Variants in GRIK1 observed in about 807,000 individuals in gnomAD.
GRIK1 encodes the protein glutamate ionotropic receptor kainate type subunit 1.
A neutral mutation model predicts 105.7 loss-of-function variants in GRIK1; 69 were observed. That is an observed-to-expected ratio of 0.65 (90% CI 0.54 to 0.80). The LOEUF (loss-of-function observed/expected upper bound fraction) is 0.80, where lower values mean the gene tolerates loss of function less well. Among genes scored for constraint, GRIK1 ranks in the 30% least tolerant of loss-of-function variants. The probability of loss-of-function intolerance (pLI) is 0.00; values close to 1 mark genes in which losing one functional copy is unlikely to be tolerated. For synonymous variants in GRIK1, 438 were observed against 431.3 expected, an observed-to-expected ratio of 1.02 and a Z score of -0.19; for missense variants, 1,109 against 1,167.3, an observed-to-expected ratio of 0.95 and a Z score of 0.73.
intron 3 of GRIK1, among the ~76,000 whole-genome samples, chr21:29,686,027 C>G (rs2146698319): frequency 6.6e-6 from 1 of 152,340 alleles, no homozygotes; most frequent in East Asian, 1.9e-4. Context: ...AACACACAGG[C>G]CTTGCTGGGC....
intron 1 of GRIK1, among the ~76,000 whole-genome samples, chr21:29,783,605 C>T (rs2066182531): frequency 6.6e-6 from 1 of 152,014 alleles, no homozygotes; most frequent in South Asian, 2.1e-4. Flanking sequence ...ATCAAATGAA[C>T]TCAGTGAGAT....
Position 29,555,272 on chromosome 21 carries a change from G to A in GRIK1, c.2387C>T (p.Ala796Val). Residue 796 changes from alanine to valine, a missense_variant, in exon 16 of 18, where the codon GCT becomes GTT. This residue lies in a region of GRIK1 where 18 missense variants were observed against 42.8 expected (regional missense o/e 0.42). Transcript: ENST00000327783. Reference sequence around the variant, plus strand: ...CCCTTCTTCTTGGAGTTGAAGAATAGCAATAGTAATTTTATCCCGGTAAGG... The same window carrying A: ...CCCTTCTTCTTGGAGTTGAAGAATAACAATAGTAATTTTATCCCGGTAAGG... The part of the protein sequence containing the change: ...GSPYRDKITI[A>V]ILQLQEEGKL... 6.2e-7 allele frequency: 1 copy of A among 1,613,266 alleles called. No individual in the cohort carries two copies. The highest frequency in any genetic ancestry group is 2.2e-5 in the East Asian group (1 of 44,866).
At chr21:29,582,672 AGTG>A (rs1211977583) in intron 12 of GRIK1, among the ~76,000 whole-genome samples, 3 of 152,156 alleles carry the variant, frequency 2.0e-5, no homozygotes, top group Non-Finnish European at 2.9e-5. Context: ...TATCTTGCCA[AGTG>A]GTACTTATTT....
chr21:29,879,739 GCT>G (rs936651087), intron 1 of GRIK1, among the ~76,000 whole-genome samples: 6 of 152,056 alleles, frequency 3.9e-5, no homozygotes, highest in African/African-American at 1.4e-4. Flanking sequence ...TCTTTAAGGA[GCT>G]AGTTTATTAA....
chr21:29,830,207 T>G (rs536579434), intron 1 of GRIK1, among the ~76,000 whole-genome samples: 9 of 152,182 alleles, frequency 5.9e-5, no homozygotes, highest in East Asian at 1.9e-4. Flanking sequence ...GTGTGTATGT[T>G]TGTATGTGTG....
chr21:29,880,468 A>C (rs1224661736), intron 1 of GRIK1, among the ~76,000 whole-genome samples: 1 of 152,164 alleles, frequency 6.6e-6, no homozygotes, highest in African/African-American at 2.4e-5. Flanking sequence ...TAGGAAGTTA[A>C]AAGATGTTTT....
At chr21:29,753,264 A>G (rs577012821) in intron 1 of GRIK1, among the ~76,000 whole-genome samples, 3 of 152,398 alleles carry the variant, frequency 2.0e-5, no homozygotes, top group African/African-American at 7.2e-5. Flanking sequence ...ATAATAAAAT[A>G]TAATTTGATT....
At chr21:29,828,091 A>G (rs2067522291) in intron 1 of GRIK1, among the ~76,000 whole-genome samples, 2 of 151,682 alleles carry the variant, frequency 1.3e-5, no homozygotes, top group Non-Finnish European at 2.9e-5. Flanking sequence ...ACTTTCTCAC[A>G]TGGTGGCTCG....
At chr21:29,862,506 C>T (rs2068676778) in intron 1 of GRIK1, among the ~76,000 whole-genome samples, 1 of 152,128 alleles carries the variant, frequency 6.6e-6, no homozygotes, top group East Asian at 1.9e-4. Flanking sequence ...CATGACCCAG[C>T]CTAGTTTGAA....
At chr21:29,886,950 G>A (rs747181666) in intron 1 of GRIK1, among the ~76,000 whole-genome samples, 1 of 152,154 alleles carries the variant, frequency 6.6e-6, no homozygotes, top group Non-Finnish European at 1.5e-5. Context: ...AAGTTAAAGA[G>A]AGACACCTTA....
intron 9 of GRIK1, chr21:29,596,195 G>A (rs1302332390): frequency 7.4e-6 from 3 of 406,260 alleles, no homozygotes; most frequent in South Asian, 2.1e-5. Flanking sequence ...GATTTGAGAA[G>A]GAATATAAAT....
At chr21:29,560,275 A>G (rs2090358153) in intron 15 of GRIK1, among the ~76,000 whole-genome samples, 1 of 139,284 alleles carries the variant, frequency 7.2e-6, no homozygotes, top group South Asian at 2.3e-4. Flanking sequence ...CTTATATGAT[A>G]CAGTTTTCTT....
rs74970603 is a variant in GRIK1, at chr21:29,922,691, A to G, written c.118+16692T>C. The stretch of plus-strand genomic sequence containing the variant: ...TGATCATTTAAAAATAAATGAAAAC[A>G]GTTACTTTGCTTAAAAATGACTAAA... On this transcript the variant is annotated intron_variant, in intron 1 of 17. Coordinates refer to ENST00000327783, the MANE Select transcript of GRIK1 (RefSeq NM_001330994.2). Among the ~76,000 whole-genome samples, 1,412 of 152,334 alleles carry G rather than the reference A, an allele frequency of 9.3e-3. 18 individuals are homozygous for G. Among genetic ancestry groups the G allele is most frequent in the African/African-American group, 0.03 (1,238 of 41,582 alleles).
intron 2 of GRIK1, among the ~76,000 whole-genome samples, chr21:29,690,642 C>T (rs993644573): frequency 1.3e-5 from 2 of 152,202 alleles, no homozygotes; most frequent in African/African-American, 2.4e-5. Flanking sequence ...TGGACAGGAG[C>T]TTTAGCTCAA....
chr21:29,695,472 C>CTATATATA (rs566101202), intron 1 of GRIK1, among the ~76,000 whole-genome samples: 20 of 128,824 alleles, frequency 1.6e-4, no homozygotes, highest in Middle Eastern at 4.1e-3. Context: ...ATCTATCTAT[C>CTATATATA]TATCTATATA....
At chr21:29,791,682 T>C (rs1444589264) in intron 1 of GRIK1, among the ~76,000 whole-genome samples, 1 of 152,160 alleles carries the variant, frequency 6.6e-6, no homozygotes, top group Non-Finnish European at 1.5e-5. Flanking sequence ...ATGATGGCTT[T>C]CTAATAGTCT....
At chr21:29,759,212 G>C (rs1434119772) in intron 1 of GRIK1, among the ~76,000 whole-genome samples, 2 of 151,296 alleles carry the variant, frequency 1.3e-5, no homozygotes, top group Non-Finnish European at 2.9e-5. Context: ...CCACCTCCCA[G>C]GTTCACGCCA....
chr21:29,624,590 G>A (rs939252957), intron 7 of GRIK1, among the ~76,000 whole-genome samples: 12 of 152,208 alleles, frequency 7.9e-5, no homozygotes, highest in African/African-American at 2.6e-4. Context: ...AATTTCCAAG[G>A]CAAACCTTAG....
intron 1 of GRIK1, among the ~76,000 whole-genome samples, chr21:29,861,376 A>C (rs2068631468): frequency 6.6e-6 from 1 of 151,812 alleles, no homozygotes; most frequent in Non-Finnish European, 1.5e-5. Flanking sequence ...GTGCAGTCTC[A>C]GCTCACTGCA....
Sources: gnomAD v4.1 joint callset for allele counts (sites outside exome capture counted in the v4.1 genomes callset) on GRCh38, gnomAD v4.1.1 for gene constraint, gnomAD v4.1.1 regional missense constraint, MANE v1.5 for transcripts, NCBI Gene and HGNC (gene_info 2026-07-23, HGNC 2026-07-21) for gene names.